CFAP20DC: variants seen among roughly 807,000 people sequenced by gnomAD.
CFAP20DC encodes CFAP20 domain containing.
In CFAP20DC, 84 loss-of-function variants were observed where a neutral mutation model predicts 101.7. The observed-to-expected ratio is 0.83, with a 90% CI of 0.69 to 0.99. The LOEUF is 0.99. Ranked by LOEUF, CFAP20DC falls within the 50% of genes least tolerant of loss-of-function variation. The probability of loss-of-function intolerance (pLI) is 0.00; values close to 1 mark genes in which losing one functional copy is unlikely to be tolerated. For missense variants in CFAP20DC, 1,007 were observed against 970.3 expected, an observed-to-expected ratio of 1.04 and a Z score of -0.50; for synonymous variants, 359 against 351.2, an observed-to-expected ratio of 1.02 and a Z score of -0.25.
intron 15 of CFAP20DC, among the ~76,000 whole-genome samples, chr3:58,791,428 C>A (rs940371182): frequency 6.6e-6 from 1 of 152,042 alleles, no homozygotes; most frequent in African/African-American, 2.4e-5. Flanking sequence ...AGGATATAAA[C>A]CCAACCTTTT....
chr3:58,750,942 T>G (rs1382496771), intron 16 of CFAP20DC, among the ~76,000 whole-genome samples: 1 of 152,138 alleles, frequency 6.6e-6, no homozygotes, highest in Non-Finnish European at 1.5e-5. Context: ...CATAATTAAA[T>G]TTTAGAAATA....
intron 4 of CFAP20DC, among the ~76,000 whole-genome samples, chr3:58,989,683 A>G (rs939377268): frequency 1.3e-5 from 2 of 152,188 alleles, no homozygotes; most frequent in African/African-American, 4.8e-5. Context: ...TATACTTCAC[A>G]AGCAGATGAT....
chr3:58,928,230 G>A (rs1443956993), intron 5 of CFAP20DC, among the ~76,000 whole-genome samples: 1 of 152,170 alleles, frequency 6.6e-6, no homozygotes, highest in Non-Finnish European at 1.5e-5. Flanking sequence ...CAAGTAAATA[G>A]ATTGTTAAAG....
At position 58,882,085 on chromosome 3, in the gene CFAP20DC, C is replaced by G. The variant is rs2081271564; in HGVS notation, c.715+2460G>C. Among the ~76,000 whole-genome samples, 2 of 151,960 alleles carry G rather than the reference C, an allele frequency of 1.3e-5. No individual in the cohort carries two copies. The highest frequency in any genetic ancestry group is 1.5e-5 in the Non-Finnish European group (1 of 67,960). ...TTATTTAAGAAGTGCAATCATAAACCCTATGGTTACAAACGAATATAATTG... is the reference window on the plus strand; with the variant it reads ...TTATTTAAGAAGTGCAATCATAAACGCTATGGTTACAAACGAATATAATTG... On this transcript the variant is annotated intron_variant, in intron 7 of 16. Coordinates refer to ENST00000482387, the MANE Select transcript of CFAP20DC (RefSeq NM_001394063.1). The surrounding 1 kb of genome is among the most constrained non-coding windows in gnomAD (Gnocchi z 4.2).
intron 15 of CFAP20DC, among the ~76,000 whole-genome samples, chr3:58,801,371 G>C (rs2073688964): frequency 6.6e-6 from 1 of 152,140 alleles, no homozygotes; most frequent in Non-Finnish European, 1.5e-5. Context: ...ATAACACTAT[G>C]TTTTGAGAAA....
At position 58,767,835 on chromosome 3, in the gene CFAP20DC, C is replaced by T. The variant is rs143160178; in HGVS notation, c.2238-13972G>A. 4.6e-3 allele frequency among the ~76,000 whole-genome samples: 705 copies of T among 152,288 alleles called. 5 individuals are homozygous for T. Among genetic ancestry groups the T allele is most frequent in the African/African-American group, 0.017 (689 of 41,558 alleles). On this transcript the variant is annotated intron_variant, in intron 15 of 16. Transcript: ENST00000482387. ...TGAAACCCTTCCACAACATTCCCAC[C>T]AAGTGTTTATCTAATCTATGCTTGA...
At chr3:58,761,623 G>A (rs1266214403) in intron 15 of CFAP20DC, among the ~76,000 whole-genome samples, 1 of 152,066 alleles carries the variant, frequency 6.6e-6, no homozygotes, top group East Asian at 1.9e-4. Context: ...TTTTAATTGT[G>A]ATGTTAGGGT....
chr3:58,898,421 TGCTTTG>T, intron 6 of CFAP20DC, among the ~76,000 whole-genome samples: 1 of 152,196 alleles, frequency 6.6e-6, no homozygotes, highest in Non-Finnish European at 1.5e-5. Flanking sequence ...GTGATCCACA[TGCTTTG>T]GCCTCCCAAA....
intron 6 of CFAP20DC, among the ~76,000 whole-genome samples, chr3:58,890,673 T>C (rs1350459711): frequency 8.3e-6 from 1 of 120,276 alleles, no homozygotes; most frequent in Non-Finnish European, 1.7e-5. Flanking sequence ...TCAGACGGGG[T>C]GGTTGCCAGG....
At chr3:58,877,957 A>G (rs2080894600) in intron 7 of CFAP20DC, among the ~76,000 whole-genome samples, 2 of 152,184 alleles carry the variant, frequency 1.3e-5, no homozygotes, top group African/African-American at 4.8e-5. Context: ...TGGGGAGGGC[A>G]TGGAAAAGGG....
intron 6 of CFAP20DC, among the ~76,000 whole-genome samples, chr3:58,896,217 A>G (rs2082658549): frequency 2.0e-5 from 3 of 152,042 alleles, no homozygotes; most frequent in Admixed American, 1.3e-4. Context: ...GTTGTTTGCA[A>G]TTTTGTGGGG....
chr3:58,871,884 C>A (rs2080256342), intron 7 of CFAP20DC, among the ~76,000 whole-genome samples: 1 of 152,000 alleles, frequency 6.6e-6, no homozygotes, highest in African/African-American at 2.4e-5. Flanking sequence ...TTTCCTGGCC[C>A]CCAAAACTCC....
At chr3:58,982,540 G>C (rs906196473) in intron 4 of CFAP20DC, among the ~76,000 whole-genome samples, 1 of 151,724 alleles carries the variant, frequency 6.6e-6, no homozygotes, top group Non-Finnish European at 1.5e-5. Context: ...AAAATGAAGA[G>C]TTCATGTCCT....
chr3:58,787,457 T>A (rs947141871), intron 15 of CFAP20DC, among the ~76,000 whole-genome samples: 1 of 151,800 alleles, frequency 6.6e-6, no homozygotes, highest in Non-Finnish European at 1.5e-5. Flanking sequence ...ACCTGCACAA[T>A]GTGCACATGT....
rs562523734 is a variant in CFAP20DC at position 59,026,400 on chromosome 3, T to G, written c.278+13157A>C. Among the ~76,000 whole-genome samples the G allele has an allele frequency of 2.6e-5, 4 of 152,278 alleles. No individual in the cohort carries two copies. In the South Asian group the frequency reaches 6.2e-4, roughly 24 times the overall value. Reference sequence around the variant, plus strand: ...TGGATAACATAATAATTCTTTGCATTTGGTTAACATCTCTTTTACAAATAA... The same window carrying G: ...TGGATAACATAATAATTCTTTGCATGTGGTTAACATCTCTTTTACAAATAA... On this transcript the variant is annotated intron_variant, in intron 4 of 16. Coordinates refer to ENST00000482387, the MANE Select transcript of CFAP20DC (RefSeq NM_001394063.1).
chr3:58,997,182 A>G (rs1010372907), intron 4 of CFAP20DC, among the ~76,000 whole-genome samples: 1 of 152,224 alleles, frequency 6.6e-6, no homozygotes, highest in African/African-American at 2.4e-5. Context: ...TTATTTTGTT[A>G]TTTACAATGG....
At chr3:58,943,585 C>A (rs1001612013) in intron 4 of CFAP20DC, among the ~76,000 whole-genome samples, 2 of 152,076 alleles carry the variant, frequency 1.3e-5, no homozygotes, top group Non-Finnish European at 2.9e-5. Flanking sequence ...ACATCGAAGA[C>A]CAAAGGTAGA....
intron 5 of CFAP20DC, among the ~76,000 whole-genome samples, chr3:58,920,160 G>A (rs1301645776): frequency 1.3e-5 from 2 of 149,604 alleles, no homozygotes; most frequent in Admixed American, 6.7e-5. Context: ...TGCCAGTGGA[G>A]GCTGACTGCA....
At chr3:58,780,382 A>C (rs2071714597) in intron 15 of CFAP20DC, among the ~76,000 whole-genome samples, 1 of 152,142 alleles carries the variant, frequency 6.6e-6, no homozygotes, top group Admixed American at 6.5e-5. Context: ...AAAGGAACAA[A>C]GGATATGTAA....
Sources: allele counts gnomAD v4.1 joint callset (sites outside exome capture counted in the v4.1 genomes callset), GRCh38; gene constraint gnomAD v4.1.1; non-coding constraint Gnocchi (gnomAD v3.1); transcripts MANE v1.5; gene names NCBI Gene and HGNC (gene_info 2026-07-23, HGNC 2026-07-21).